The following PCNT variants were observed in gnomAD, a reference collection of about 807,000 sequenced individuals.
The protein encoded by PCNT is pericentrin, also known as kendrin.
Under a neutral mutation model 380.4 loss-of-function variants are expected in PCNT, and 319 were observed. That is an observed-to-expected ratio of 0.84 (90% confidence interval 0.77 to 0.92). The LOEUF is 0.92. Among genes scored for constraint, PCNT ranks in the 40% least tolerant of loss-of-function variants. The probability of loss-of-function intolerance (pLI) is 0.00; values close to 1 mark genes in which losing one functional copy is unlikely to be tolerated. For synonymous variants in PCNT, 1,845 were observed against 1,735.2 expected, an observed-to-expected ratio of 1.06 and a Z score of -1.57; for missense variants, 4,400 against 4,255.3, an observed-to-expected ratio of 1.03 and a Z score of -0.95.
rs1326808381 is a variant in PCNT at position 46,428,403 on chromosome 21, G to A, written c.7503G>A (p.Leu2501=). ...LEKIIREQGD[L]QEKSLEHLRL... is the part of the protein sequence containing the mutation. ...TCCCATTGTGCCCCCAGGGAGACCT[G>A]CAGGAAAAGTCCCTGGAGCATCTTC... The change falls in exon 35 of 47, where the codon CTG becomes CTA. Residue 2501 remains leucine (L), a synonymous_variant. Coordinates refer to ENST00000359568, the MANE Select transcript of PCNT (RefSeq NM_006031.6). 6.2e-7 allele frequency: 1 copy of A among 1,612,320 alleles called. No individual in the cohort carries two copies. The highest frequency in any genetic ancestry group is 1.3e-5 in the African/African-American group (1 of 75,068).
chr21:46,423,561 A>G (rs998043956), intron 32 of PCNT, among the ~76,000 whole-genome samples: 10 of 151,344 alleles, frequency 6.6e-5, no homozygotes, highest in Admixed American at 6.6e-4. Flanking sequence ...ACAACCTAAT[A>G]TTAGAATTCC....
At chr21:46,351,614 C>T in intron 9 of PCNT, 74 bp downstream of exon 9, 1 of 913,606 alleles carries the variant, frequency 1.1e-6, no homozygotes, top group Non-Finnish European at 1.8e-6. Context: ...TAACACCAAG[C>T]CAGAATTTAA....
intron 15 of PCNT, among the ~76,000 whole-genome samples, chr21:46,373,591 C>T (rs1450971206): frequency 1.3e-5 from 2 of 148,932 alleles, no homozygotes; most frequent in Non-Finnish European, 3.0e-5. Flanking sequence ...GCCACCATGC[C>T]TAATATTTGT....
Position 46,349,778 on chromosome 21 carries a change from G to C in PCNT, c.1302G>C (p.Leu434Phe). 1 of 1,614,166 alleles carries C rather than the reference G, an allele frequency of 6.2e-7. No individual in the cohort carries two copies. The highest frequency in any genetic ancestry group is 8.5e-7 in the Non-Finnish European group (1 of 1,179,996). ...AGCACGGCCGGTGTTTAGAAGACTT[G>C]GAGTTCAAGTTCAAAGAGAGCGAGA... is the stretch of plus-strand genomic sequence containing the variant. The part of the protein sequence containing the change: ...QSEHGRCLED[L>F]EFKFKESEKE... Residue 434 changes from leucine to phenylalanine, a missense_variant, in exon 8 of 47, where the codon TTG (leucine) becomes TTC (phenylalanine). Transcript: ENST00000359568.
At position 46,384,742 on chromosome 21, in the gene PCNT, TGAG is replaced by T. The variant is rs2085763381; in HGVS notation, c.3313-1089_3313-1087del. Among the ~76,000 whole-genome samples, 3 of 141,748 alleles carry T rather than the reference TGAG, an allele frequency of 2.1e-5. No individual in the cohort carries two copies. In the South Asian group the frequency reaches 6.5e-4, roughly 31 times the overall value. The allele number at this position is 141,748 out of a possible 152,430, so 93.0% of individuals were successfully genotyped here. On this transcript the variant is annotated intron_variant, in intron 16 of 46. Transcript: ENST00000359568. ...GAAACACATTCATGGTGTTGTGCGT[TGAG>T]CGGCGGAAGCGCATTCACGGTGTTG...
chr21:46,349,096 A>G lies in PCNT; in HGVS notation c.1117A>G (p.Met373Val). ...KELSAKHQSE[M>V]EDLQNQFQKE... Reference sequence around the variant, plus strand: ...ACTGTCTGCAAAGCATCAATCAGAAATGGAGGATTTACAAAACCAGTTTCA... The same window carrying G: ...ACTGTCTGCAAAGCATCAATCAGAAGTGGAGGATTTACAAAACCAGTTTCA... Residue 373 changes from methionine to valine, a missense_variant, in exon 7 of 47, where the codon ATG becomes GTG. By Grantham distance (21) the Met-to-Val change is conservative. Transcript: ENST00000359568. 3 of 1,610,856 alleles carry G rather than the reference A, an allele frequency of 1.9e-6. No homozygotes were observed. Among genetic ancestry groups the G allele is most frequent in the Non-Finnish European group, 2.5e-6 (3 of 1,176,998 alleles).
chr21:46,412,736 C>T, intron 28 of PCNT, 101 bp from the exon 29 acceptor site: 1 of 1,251,004 alleles, frequency 8.0e-7, no homozygotes, highest in South Asian at 1.2e-5. Context: ...CTCTGGCATC[C>T]CTGCTGGCTG....
At chr21:46,336,196 C>T (rs916697788) in intron 3 of PCNT, among the ~76,000 whole-genome samples, 3 of 152,014 alleles carry the variant, frequency 2.0e-5, no homozygotes, top group African/African-American at 4.8e-5. Context: ...AGACTGGTCT[C>T]GAACTCCTGA....
Position 46,355,511 on chromosome 21 carries a change from G to A in PCNT, c.1821G>A (p.Ala607=), listed in dbSNP as rs147972708. The A allele has an allele frequency of 3.1e-6, 5 of 1,613,954 alleles. No individual in the cohort carries two copies. The highest frequency in any genetic ancestry group is 2.2e-5 in the East Asian group (1 of 44,884). The change falls in exon 12 of 47, where the codon GCG becomes GCA. Residue 607 remains alanine (A), a synonymous_variant. Coordinates refer to ENST00000359568, the MANE Select transcript of PCNT (RefSeq NM_006031.6). The part of the protein sequence containing the change: ...LEESHRHQLE[A]LESPLCIQHE... ...AAAGCCACAGGCACCAGCTGGAAGC[G>A]CTGGAGTCTCCCCTCTGCATCCAGC...
At chr21:46,423,824 GGGGGAGGGGGAGGGGAGA>G (rs1294868819) in intron 32 of PCNT, among the ~76,000 whole-genome samples, 1 of 89,532 alleles carries the variant, frequency 1.1e-5, no homozygotes, top group Non-Finnish European at 2.3e-5. Context: ...GAGGGGAGGA[GGGGGAGGGGGAGGGGAGA>G]GGGGAGGAGG....
intron 2 of PCNT, among the ~76,000 whole-genome samples, chr21:46,328,274 T>C (rs1309485887): frequency 6.9e-6 from 1 of 145,518 alleles, no homozygotes; most frequent in East Asian, 2.0e-4. Context: ...TTTTTCCCGT[T>C]TTCTTTTTAA....
chr21:46,370,696 A>G (rs1409872852), intron 15 of PCNT, among the ~76,000 whole-genome samples: 1 of 152,148 alleles, frequency 6.6e-6, no homozygotes, highest in Non-Finnish European at 1.5e-5. Context: ...TCTTGAGCTC[A>G]GGAGTTCGAG....
chr21:46,436,600 A>C (rs2053462115), intron 39 of PCNT, among the ~76,000 whole-genome samples: 1 of 152,080 alleles, frequency 6.6e-6, no homozygotes, highest in Non-Finnish European at 1.5e-5. Flanking sequence ...CTATACACAG[A>C]AACTCGGCAA....
At chr21:46,383,947 CAGTGTTGTATATTCAGT>C (rs2085709134) in intron 16 of PCNT, among the ~76,000 whole-genome samples, 1 of 146,300 alleles carries the variant, frequency 6.8e-6, no homozygotes, top group African/African-American at 2.5e-5. Context: ...AGCGCATTCA[CAGTGTTGTATATTCAGT>C]GGCGGAAGCG....
chr21:46,423,481 C>T (rs2087340943), intron 32 of PCNT, among the ~76,000 whole-genome samples: 2 of 151,880 alleles, frequency 1.3e-5, no homozygotes, highest in East Asian at 2.0e-4. Flanking sequence ...TGAGCCACAG[C>T]GCCTGGCCTC....
At chr21:46,390,866 A>G in intron 20 of PCNT, 34 bp downstream of exon 20, 1 of 1,596,204 alleles carries the variant, frequency 6.3e-7, no homozygotes, top group Non-Finnish European at 8.5e-7. Context: ...CACCTGGAGC[A>G]CAGGCACGGG....
chr21:46,414,728 T>C (rs143568008), intron 29 of PCNT, among the ~76,000 whole-genome samples: 14,988 of 39,878 alleles, frequency 0.38, 2,849 homozygotes, highest in African/African-American at 0.6. Flanking sequence ...GACACACAGC[T>C]GCCCACCCTC....
chr21:46,342,279 G>T (rs1324447545), intron 3 of PCNT, among the ~76,000 whole-genome samples: 1 of 151,974 alleles, frequency 6.6e-6, no homozygotes, highest in Non-Finnish European at 1.5e-5. Flanking sequence ...GCTAATTTTT[G>T]TATTTTTAGT....
At position 46,376,574 on chromosome 21, in the gene PCNT, T is replaced by C. The variant is rs759779459; in HGVS notation, c.3166-5120T>C. Among the ~76,000 whole-genome samples, 134 of 152,346 alleles carry C rather than the reference T, an allele frequency of 8.8e-4. 4 individuals carry two copies. The highest frequency in any genetic ancestry group is 1.2e-3 in the Admixed American group (19 of 15,306). The stretch of plus-strand genomic sequence containing the variant: ...GTCTTGAGGATTAATTTTCCTGTTT[T>C]CCCAGTCCCTTGGCCTCTGTCCTGC... On this transcript the variant is annotated intron_variant, in intron 15 of 46. Coordinates refer to ENST00000359568, the MANE Select transcript of PCNT (RefSeq NM_006031.6).
Sources: allele counts gnomAD v4.1 joint callset (sites outside exome capture counted in the v4.1 genomes callset), GRCh38; gene constraint gnomAD v4.1.1; transcripts MANE v1.5; gene names NCBI Gene and HGNC (gene_info 2026-07-23, HGNC 2026-07-21).